Variants in SLX9 observed in about 807,000 individuals in gnomAD.
SLX9 encodes ribosome biogenesis protein SLX9 homolog.
In SLX9, 19 loss-of-function variants were observed where a neutral mutation model predicts 20.8. That is an observed-to-expected ratio of 0.91 (90% confidence interval 0.64 to 1.34). SLX9 has a LOEUF of 1.34. Among genes scored for constraint, SLX9 ranks in the 40% most tolerant of loss-of-function variants. The pLI, the probability that SLX9 is intolerant of heterozygous loss-of-function variation, is 0.00. For missense variants in SLX9, 299 were observed against 322.2 expected, an observed-to-expected ratio of 0.93 and a Z score of 0.55; for synonymous variants, 113 against 137.1, an observed-to-expected ratio of 0.82 and a Z score of 1.23.
intron 1 of SLX9, 76 bp downstream of exon 1, chr21:44,940,262 G>A (rs780296400): frequency 1.4e-5 from 17 of 1,194,500 alleles, no homozygotes; most frequent in Non-Finnish European, 1.6e-5. Flanking sequence ...CCGCCTCCGG[G>A]AGGGTTCCGC....
chr21:44,966,437 T>C (rs1327782573), intron 3 of SLX9, among the ~76,000 whole-genome samples: 1 of 152,194 alleles, frequency 6.6e-6, no homozygotes, highest in East Asian at 1.9e-4. Context: ...GAGCATGTGT[T>C]CTCTTAGCAG....
chr21:44,964,158 A>G (rs2084992905), intron 3 of SLX9, among the ~76,000 whole-genome samples: 1 of 152,242 alleles, frequency 6.6e-6, no homozygotes. Flanking sequence ...TTATGCTGTC[A>G]TAAATGCAGT....
chr21:44,957,438 A>G (rs968780464), intron 2 of SLX9, among the ~76,000 whole-genome samples: 6 of 152,346 alleles, frequency 3.9e-5, no homozygotes, highest in African/African-American at 1.4e-4. Context: ...AGGCAAGGGC[A>G]CGGCTTCTCC....
chr21:44,960,195 A>G lies in SLX9; in HGVS notation c.352+27A>G, dbSNP rs776316302. 3.7e-6 allele frequency: 6 copies of G among 1,611,558 alleles called. No homozygotes were observed. The African/African-American group carries it at 8.0e-5, about 22-fold the overall frequency. ...TAAGTCCATGCCTGCGTCTTGAGGC[A>G]GCTGCCGGCCCAAGTCCCATCCCGT... is the stretch of plus-strand genomic sequence containing the variant. On this transcript the variant is annotated intron_variant, in intron 3 of 5. Transcript: ENST00000291634.
At chr21:44,947,920 T>C (rs1236342233) in intron 2 of SLX9, among the ~76,000 whole-genome samples, 2 of 152,218 alleles carry the variant, frequency 1.3e-5, no homozygotes, top group Non-Finnish European at 2.9e-5. Context: ...ATGTCGGGGC[T>C]ACAGCTCCTC....
intron 3 of SLX9, among the ~76,000 whole-genome samples, chr21:44,965,338 G>A (rs1304712717): frequency 6.6e-6 from 1 of 152,076 alleles, no homozygotes; most frequent in Non-Finnish European, 1.5e-5. Context: ...CAGGCCGTGG[G>A]TCCCGCCCCG....
At chr21:44,963,860 C>T (rs1042175634) in intron 3 of SLX9, among the ~76,000 whole-genome samples, 6 of 152,102 alleles carry the variant, frequency 3.9e-5, no homozygotes, top group African/African-American at 1.4e-4. Context: ...TTTGTTGGTT[C>T]GTCTGTCTTG....
intron 2 of SLX9, 71 bp downstream of exon 2, chr21:44,943,908 G>A (rs1365796485): frequency 6.3e-7 from 1 of 1,597,934 alleles, no homozygotes; most frequent in Non-Finnish European, 8.5e-7. Flanking sequence ...GGCACCCGAG[G>A]TCTCAGCAGC....
intron 2 of SLX9, among the ~76,000 whole-genome samples, chr21:44,956,020 C>T (rs1010292969): frequency 1.3e-5 from 2 of 152,244 alleles, no homozygotes; most frequent in Non-Finnish European, 2.9e-5. Flanking sequence ...CGCCAGCCTG[C>T]GGTGCCTGCT....
intron 2 of SLX9, among the ~76,000 whole-genome samples, chr21:44,956,179 A>G (rs944390934): frequency 2.0e-5 from 3 of 152,234 alleles, no homozygotes; most frequent in African/African-American, 7.2e-5. Context: ...TGTTAACTGC[A>G]GCTGTCTCCC....
intron 3 of SLX9, 50 bp from the exon 4 acceptor site, chr21:44,966,984 G>C: frequency 6.4e-7 from 1 of 1,563,984 alleles, no homozygotes; most frequent in South Asian, 1.2e-5. Flanking sequence ...CTGGGCCTGG[G>C]CTCCTCCTCT....
chr21:44,964,956 G>A (rs978502795), intron 3 of SLX9, among the ~76,000 whole-genome samples: 5 of 152,296 alleles, frequency 3.3e-5, no homozygotes, highest in African/African-American at 1.2e-4. Flanking sequence ...CACGTGTCAT[G>A]CTCACACTTT....
chr21:44,950,456 C>T (rs2146624845), intron 2 of SLX9, among the ~76,000 whole-genome samples: 1 of 152,384 alleles, frequency 6.6e-6, no homozygotes, highest in African/African-American at 2.4e-5. Flanking sequence ...CCTGCCTTGG[C>T]TGCGTGGTGC....
chr21:44,965,397 G>A (rs2085016599), intron 3 of SLX9, among the ~76,000 whole-genome samples: 1 of 152,102 alleles, frequency 6.6e-6, no homozygotes, highest in South Asian at 2.1e-4. Flanking sequence ...GGGCCGGGTG[G>A]GATTGTCGAT....
chr21:44,971,879 G>A (rs973181482), intron 4 of SLX9, among the ~76,000 whole-genome samples: 3 of 152,282 alleles, frequency 2.0e-5, no homozygotes, highest in South Asian at 2.1e-4. Flanking sequence ...CGTCAGCCCC[G>A]GCAGAGCCCC....
At chr21:44,968,753 CTTTTTT>C (rs35304604) in intron 4 of SLX9, among the ~76,000 whole-genome samples, 1 of 132,948 alleles carries the variant, frequency 7.5e-6, no homozygotes, top group Non-Finnish European at 1.6e-5. Context: ...CATCTCTGTG[CTTTTTT>C]TTTTTTTTTT....
In SLX9 at chr21:44,960,180, C is replaced by T. The variant is rs749409110; in HGVS notation, c.352+12C>T. On this transcript the variant is annotated intron_variant, in intron 3 of 5. Coordinates refer to ENST00000291634, the MANE Select transcript of SLX9 (RefSeq NM_058190.4). ...GCAATGGTTGCAGAGTAAGTCCATG[C>T]CTGCGTCTTGAGGCAGCTGCCGGCC... 4.0e-5 allele frequency: 64 copies of T among 1,613,716 alleles called. No individual in the cohort carries two copies. In the East Asian group the frequency reaches 1.4e-3, roughly 35 times the overall value.
At chr21:44,976,647 C>A in intron 5 of SLX9, 33 bp from the exon 6 acceptor site, 1 of 1,567,708 alleles carries the variant, frequency 6.4e-7, no homozygotes, top group East Asian at 2.3e-5. Flanking sequence ...CCGGGGGTTC[C>A]TGCCTGCTGA....
At chr21:44,945,485 C>T (rs2084625558) in intron 2 of SLX9, among the ~76,000 whole-genome samples, 2 of 152,236 alleles carry the variant, frequency 1.3e-5, no homozygotes, top group African/African-American at 4.8e-5. Context: ...CTTCAAGCCC[C>T]TGTGGCTCAT....
Sources: gnomAD v4.1 joint callset for allele counts (sites outside exome capture counted in the v4.1 genomes callset) on GRCh38, gnomAD v4.1.1 for gene constraint, MANE v1.5 for transcripts, NCBI Gene and HGNC (gene_info 2026-07-23, HGNC 2026-07-21) for gene names.